Variants in ATP2B2 observed in about 807,000 individuals in gnomAD.
ATP2B2 encodes the protein plasma membrane calcium-transporting ATPase 2.
Under a neutral mutation model 120.0 loss-of-function variants are expected in ATP2B2, and 15 were observed. That is an observed-to-expected ratio of 0.12 (90% CI 0.08 to 0.19). The LOEUF (loss-of-function observed/expected upper bound fraction) is 0.19. ATP2B2 is among the 10% of genes least tolerant of loss of function. The probability of loss-of-function intolerance (pLI) is 1.00; values close to 1 mark genes in which losing one functional copy is unlikely to be tolerated. For missense variants in ATP2B2, 1,045 were observed against 1,719.8 expected (o/e 0.61, Z 6.94); for synonymous variants, 694 against 700.3 (o/e 0.99, Z 0.14).
intron 12 of ATP2B2, among the ~76,000 whole-genome samples, chr3:10,361,032 G>A (rs916428210): frequency 4.6e-5 from 7 of 152,066 alleles, no homozygotes; most frequent in Non-Finnish European, 8.8e-5. Flanking sequence ...TTCGGAGCTT[G>A]GCTTCTTTGC....
chr3:10,540,276 G>A (rs1036055832), intron 2 of ATP2B2, among the ~76,000 whole-genome samples: 9 of 152,234 alleles, frequency 5.9e-5, no homozygotes, highest in Non-Finnish European at 1.0e-4. Flanking sequence ...TGGTGGGACT[G>A]TAAACTAGTT....
At chr3:10,372,258 G>A (rs936560567) in intron 11 of ATP2B2, among the ~76,000 whole-genome samples, 1 of 152,136 alleles carries the variant, frequency 6.6e-6, no homozygotes, top group African/African-American at 2.4e-5. Flanking sequence ...TCCTTTCTCT[G>A]TTAGTATCTG....
intron 2 of ATP2B2, among the ~76,000 whole-genome samples, chr3:10,578,161 T>C (rs1326742949): frequency 6.6e-6 from 1 of 152,158 alleles, no homozygotes; most frequent in Non-Finnish European, 1.5e-5. Context: ...TGACTGACTG[T>C]ATCAAGTGTT....
chr3:10,488,260 T>TCCAC (rs1315487019), intron 1 of ATP2B2, among the ~76,000 whole-genome samples: 30 of 142,832 alleles, frequency 2.1e-4, no homozygotes, highest in African/African-American at 5.8e-4. Context: ...CATCCATCCA[T>TCCAC]CCATCCATCC....
At chr3:10,663,247 T>C (rs1399229781) in intron 1 of ATP2B2, among the ~76,000 whole-genome samples, 2 of 151,474 alleles carry the variant, frequency 1.3e-5, no homozygotes, top group South Asian at 2.1e-4. Flanking sequence ...ATAATAATAA[T>C]AATAAAAGAA....
At chr3:10,654,111 C>G (rs1316645760) in intron 1 of ATP2B2, among the ~76,000 whole-genome samples, 2 of 152,158 alleles carry the variant, frequency 1.3e-5, no homozygotes, top group Admixed American at 6.5e-5. Context: ...CTGAGGCAGG[C>G]TTTGTTGTTC....
Position 10,609,440 on chromosome 3 carries a change from C to T in ATP2B2, c.-415+10477G>A, listed in dbSNP as rs561658946. On this transcript the variant is annotated intron_variant, in intron 2 of 21. Coordinates refer to the ATP2B2 transcript ENST00000646379. The stretch of plus-strand genomic sequence containing the variant: ...GCCCTGCTACTCCAAGCCTCCTCGG[C>T]GCGCCTGGCTGAAGCCGGGAGCTTT... Among the ~76,000 whole-genome samples the T allele has an allele frequency of 1.6e-4, 25 of 152,312 alleles. No individual in the cohort carries two copies. In the East Asian group the frequency reaches 3.3e-3, roughly 20 times the overall value.
chr3:10,659,476 C>A (rs2070723912), intron 1 of ATP2B2, among the ~76,000 whole-genome samples: 1 of 152,128 alleles, frequency 6.6e-6, no homozygotes, highest in South Asian at 2.1e-4. Context: ...TTTAAACAAA[C>A]TAAGATCAAA....
At chr3:10,590,211 A>G (rs2068610361) in intron 2 of ATP2B2, among the ~76,000 whole-genome samples, 1 of 152,208 alleles carries the variant, frequency 6.6e-6, no homozygotes, top group Non-Finnish European at 1.5e-5. Context: ...CAATTTTTCA[A>G]TGGTATTATG....
chr3:10,385,272 G>T lies in ATP2B2; in HGVS notation c.996C>A (p.Val332=), dbSNP rs764171235. Residue 332 remains valine, a synonymous_variant, in exon 8 of 23, where the codon GTC becomes GTA. Coordinates refer to ENST00000360273, the MANE Select transcript of ATP2B2 (RefSeq NM_001001331.4). ...AGCTCGCCGTGGGAGACATACCATT[G>T]ACTAGGCTGGCATTCGCACTATCTG... ...NAADSANASL[V]NGKMQDGNVD... is the part of the protein sequence containing the mutation. 1 of 1,614,070 alleles carries T rather than the reference G, an allele frequency of 6.2e-7. No homozygotes were observed. The highest frequency in any genetic ancestry group is 8.5e-7 in the Non-Finnish European group (1 of 1,180,000).
chr3:10,328,966 C>T lies in ATP2B2; in HGVS notation c.3580G>A (p.Ala1194Thr), dbSNP rs2059910166. ...LIDDTDLEED[A>T]ALKQNSSPPS... is the part of the protein sequence containing the mutation. ...GGGCTCGAGTTCTGCTTGAGCGCGGCATCTTCTTCCAGGTCGGTGTCATCA... is the reference window on the plus strand; with the variant it reads ...GGGCTCGAGTTCTGCTTGAGCGCGGTATCTTCTTCCAGGTCGGTGTCATCA... Residue 1194 changes from alanine to threonine, a missense_variant, in exon 23 of 23, where the codon GCC becomes ACC. Transcript: ENST00000360273. 1.2e-6 allele frequency: 2 copies of T among 1,613,682 alleles called. No homozygotes were observed. The highest frequency in any genetic ancestry group is 1.3e-5 in the African/African-American group (1 of 74,754).
At chr3:10,569,141 C>T (rs1459513704) in intron 2 of ATP2B2, among the ~76,000 whole-genome samples, 1 of 152,080 alleles carries the variant, frequency 6.6e-6, no homozygotes, top group Admixed American at 6.5e-5. Context: ...CAGAGCCAAG[C>T]GTCAAGTCCT....
At chr3:10,677,190 C>A (rs1385810035) in intron 1 of ATP2B2, among the ~76,000 whole-genome samples, 1 of 152,164 alleles carries the variant, frequency 6.6e-6, no homozygotes, top group Non-Finnish European at 1.5e-5. Flanking sequence ...AATGGATAAA[C>A]CGTGGTACAC....
At chr3:10,376,952 T>A (rs1286373678) in intron 10 of ATP2B2, among the ~76,000 whole-genome samples, 1 of 152,166 alleles carries the variant, frequency 6.6e-6, no homozygotes, top group Non-Finnish European at 1.5e-5. Context: ...TTCCCTAGCG[T>A]GGACCTGTGC....
In ATP2B2 at chr3:10,342,635, T is replaced by G; in HGVS notation, c.2917+117A>C. On this transcript the variant is annotated intron_variant, in intron 19 of 22. Coordinates refer to ENST00000360273, the MANE Select transcript of ATP2B2 (RefSeq NM_001001331.4). The surrounding 1 kb of genome is among the most constrained non-coding windows in gnomAD (Gnocchi z 4.4). ...CTTACTTGACCTCCCTGGGCCTCAATTTCCCCATTAGCAAAACAGGAGGGG... is the reference window on the plus strand; with the variant it reads ...CTTACTTGACCTCCCTGGGCCTCAAGTTCCCCATTAGCAAAACAGGAGGGG... 1 of 1,290,618 alleles carries G rather than the reference T, an allele frequency of 7.7e-7. No homozygotes were observed. The highest frequency in any genetic ancestry group is 1.1e-6 in the Non-Finnish European group (1 of 912,048). 79.9% of individuals were successfully genotyped at this position (1,290,618 alleles called of 1,614,324 possible).
Position 10,340,836 on chromosome 3 carries a change from G to T in ATP2B2, c.2918-132C>A. 1 of 902,226 alleles carries T rather than the reference G, an allele frequency of 1.1e-6. No homozygotes were observed. Among genetic ancestry groups the T allele is most frequent in the South Asian group, 1.4e-5 (1 of 71,476 alleles). The allele number at this position is 902,226 out of a possible 1,614,324, so 55.9% of individuals were successfully genotyped here. On this transcript the variant is annotated intron_variant, in intron 19 of 22. Coordinates refer to ENST00000360273, the MANE Select transcript of ATP2B2 (RefSeq NM_001001331.4). This position sits in a 1 kb window ranked among gnomAD's most constrained non-coding sequence, Gnocchi z 5.0. ...CAAGACATCAAGGCATGCTTGGACA[G>T]TGGGGGGCCAGGGCTGTGCTGTCAG...
Position 10,338,278 on chromosome 3 carries a change from C to T in ATP2B2, c.3318G>A (p.Glu1106=). ...CCTCCACGTCCTCGTTGAGCTCCTCCTCCGGGATCTCCTCCTTCTGTGTGA... is the reference window on the plus strand; with the variant it reads ...CCTCCACGTCCTCGTTGAGCTCCTCTTCCGGGATCTCCTCCTTCTGTGTGA... The part of the protein sequence containing the change: ...GRLTQKEEIP[E]EELNEDVEEI... The change falls in exon 22 of 23, where the codon GAG becomes GAA. Residue 1106 remains glutamate (E), a synonymous_variant. Coordinates refer to ENST00000360273, the MANE Select transcript of ATP2B2 (RefSeq NM_001001331.4). 1 of 1,614,248 alleles carries T rather than the reference C, an allele frequency of 6.2e-7. No homozygotes were observed. The highest frequency in any genetic ancestry group is 8.5e-7 in the Non-Finnish European group (1 of 1,180,048).
intron 8 of ATP2B2, among the ~76,000 whole-genome samples, chr3:10,384,442 G>T (rs963312294): frequency 5.9e-5 from 9 of 152,176 alleles, no homozygotes; most frequent in Non-Finnish European, 1.2e-4. Context: ...TGGGGATAGG[G>T]GTGGTATCTG....
chr3:10,484,527 C>A (rs1384498278), intron 1 of ATP2B2, among the ~76,000 whole-genome samples: 1 of 152,164 alleles, frequency 6.6e-6, no homozygotes, highest in Non-Finnish European at 1.5e-5. Flanking sequence ...GCTGCCACCA[C>A]CCCTCTGCCT....
Sources: allele counts gnomAD v4.1 joint callset (sites outside exome capture counted in the v4.1 genomes callset), GRCh38; gene constraint gnomAD v4.1.1; non-coding constraint Gnocchi (gnomAD v3.1); transcripts MANE v1.5; gene names NCBI Gene and HGNC (gene_info 2026-07-23, HGNC 2026-07-21).